CD82: variants seen among roughly 807,000 people sequenced by gnomAD.
CD82 encodes CD82 antigen.
CD82 carries 36 observed loss-of-function variants against 37.4 expected under a neutral mutation model. The ratio of observed to expected loss-of-function variants is 0.96; its 90% CI spans 0.74 to 1.27. CD82 has a LOEUF of 1.27. Among genes scored for constraint, CD82 ranks in the 50% most tolerant of loss-of-function variants. The pLI is 0.00. For missense variants in CD82, 340 were observed against 347.0 expected (o/e 0.98, Z 0.16); for synonymous variants, 158 against 137.4 (o/e 1.15, Z -1.05).
intron 1 of CD82, among the ~76,000 whole-genome samples, chr11:44,572,132 C>T (rs1852822789): frequency 6.6e-6 from 1 of 152,212 alleles, no homozygotes; most frequent in Non-Finnish European, 1.5e-5. Flanking sequence ...CTGGCTTATT[C>T]TCCTGCAGCC....
At chr11:44,611,961 G>C (rs1159340108) in intron 6 of CD82, among the ~76,000 whole-genome samples, 1 of 152,218 alleles carries the variant, frequency 6.6e-6, no homozygotes, top group African/African-American at 2.4e-5. Flanking sequence ...GGTTTAAACA[G>C]AGCCTCAGTG....
At chr11:44,566,971 A>C (rs77267507) in intron 1 of CD82, among the ~76,000 whole-genome samples, 5,020 of 152,282 alleles carry the variant, frequency 0.033, 120 homozygotes, top group Admixed American at 0.061. Flanking sequence ...GTTGAGTTAA[A>C]TAAGTCTAAA....
At chr11:44,572,080 G>A (rs1419896334) in intron 1 of CD82, among the ~76,000 whole-genome samples, 2 of 152,220 alleles carry the variant, frequency 1.3e-5, no homozygotes, top group Non-Finnish European at 2.9e-5. Context: ...TGCCACAGTG[G>A]ACGGCTGCAG....
chr11:44,583,785 A>G (rs11038069), intron 1 of CD82, among the ~76,000 whole-genome samples: 95,784 of 152,024 alleles, frequency 0.63, 30,423 homozygotes, highest in Admixed American at 0.69. Flanking sequence ...CCAGGGTGTT[A>G]TGGAGATTGC....
At chr11:44,581,321 C>T (rs1331220746) in intron 1 of CD82, among the ~76,000 whole-genome samples, 1 of 152,208 alleles carries the variant, frequency 6.6e-6, no homozygotes, top group Non-Finnish European at 1.5e-5. Flanking sequence ...CCTTGACCAC[C>T]CTGAGTCTCA....
rs1323360101 is a variant in CD82, at chr11:44,619,417, C to T, written c.*291C>T. 1 of 462,270 alleles carries T rather than the reference C, an allele frequency of 2.2e-6. No homozygotes were observed. Among genetic ancestry groups the T allele is most frequent in the Non-Finnish European group, 4.0e-6 (1 of 251,278 alleles). The allele number at this position is 462,270 out of a possible 1,614,324, so 28.6% of individuals were successfully genotyped here. A position where few individuals can be genotyped will look rare whatever the true frequency, so the allele number is the denominator to read the frequency against. ...TCCCTGGCGCAGGTGGGCTGGACTT[C>T]TACCTGCCCTCAAGGGTGTGTATAT... On this transcript the variant is annotated 3_prime_UTR_variant, in exon 10 of 10. Transcript: ENST00000227155.
chr11:44,596,432 G>T (rs557037213), intron 3 of CD82, among the ~76,000 whole-genome samples: 1 of 152,400 alleles, frequency 6.6e-6, no homozygotes, highest in East Asian at 1.9e-4. Flanking sequence ...TTGGGTTTCA[G>T]TGATAAAGAA....
intron 4 of CD82, among the ~76,000 whole-genome samples, chr11:44,604,235 G>A (rs935706844): frequency 1.3e-5 from 2 of 152,216 alleles, no homozygotes; most frequent in Non-Finnish European, 2.9e-5. Context: ...CCAGCAACTG[G>A]CACAGTGCCT....
intron 7 of CD82, 53 bp from the exon 8 acceptor site, chr11:44,618,109 G>A: frequency 6.4e-7 from 1 of 1,556,222 alleles, no homozygotes. Flanking sequence ...CAGGAGGGCA[G>A]CCTGCCTAGG....
chr11:44,606,530 C>G (rs542533325), intron 6 of CD82: 2 of 152,710 alleles, frequency 1.3e-5, no homozygotes, highest in South Asian at 4.1e-4. Flanking sequence ...AAAGCCACCC[C>G]TGGTTGCAAA....
chr11:44,613,983 G>A (rs1590350599), intron 6 of CD82, among the ~76,000 whole-genome samples: 1 of 151,700 alleles, frequency 6.6e-6, no homozygotes, highest in South Asian at 2.1e-4. Context: ...TTTCTGTTTT[G>A]TTTTTTGTTG....
Position 44,605,048 on chromosome 11 carries a change from T to C in CD82, c.137-10T>C. 6.2e-7 allele frequency: 1 copy of C among 1,614,170 alleles called. No individual in the cohort carries two copies. The highest frequency in any genetic ancestry group is 8.5e-7 in the Non-Finnish European group (1 of 1,180,020). Reference sequence around the variant, plus strand: ...GTGCCCACTGATTTTGTACTTCTTCTTCCCCCTAGAAACCTCCTCCAGCTC... The same window carrying C: ...GTGCCCACTGATTTTGTACTTCTTCCTCCCCCTAGAAACCTCCTCCAGCTC... On this transcript the variant is annotated splice_polypyrimidine_tract_variant and intron_variant, in intron 4 of 9. Coordinates refer to ENST00000227155, the MANE Select transcript of CD82 (RefSeq NM_002231.4).
intron 2 of CD82, among the ~76,000 whole-genome samples, chr11:44,594,015 A>G (rs1469257995): frequency 1.3e-5 from 2 of 151,792 alleles, no homozygotes; most frequent in Admixed American, 1.3e-4. Flanking sequence ...ACACACACAC[A>G]CGAATAATAG....
intron 4 of CD82, among the ~76,000 whole-genome samples, chr11:44,602,814 T>G (rs891100320): frequency 1.3e-5 from 2 of 152,182 alleles, no homozygotes; most frequent in African/African-American, 2.4e-5. Context: ...TTAAATGTTC[T>G]GAGATACGGA....
chr11:44,600,379 C>G lies in CD82; in HGVS notation c.136+149C>G, dbSNP rs1306586319. 2.8e-5 allele frequency: 20 copies of G among 708,174 alleles called. No homozygotes were observed. The East Asian group carries it at 4.4e-4, about 15-fold the overall frequency. The allele number at this position is 708,174 out of a possible 1,614,324, so 43.9% of individuals were successfully genotyped here. On this transcript the variant is annotated intron_variant, in intron 4 of 9. Transcript: ENST00000227155. ...GATGTGGCGAGGTCCTGCTGCCCAC[C>G]ACTGCCCATGGCTCCCTCTGCAGGG...
At chr11:44,615,422 C>A in intron 7 of CD82, 49 bp downstream of exon 7, 4 of 1,136,364 alleles carry the variant, frequency 3.5e-6, no homozygotes, top group Non-Finnish European at 5.3e-6. Context: ...GGTGTCCCTG[C>A]ATTTGGGGCT....
intron 1 of CD82, among the ~76,000 whole-genome samples, chr11:44,586,641 G>A (rs185111722): frequency 6.6e-6 from 1 of 152,162 alleles, no homozygotes; most frequent in Non-Finnish European, 1.5e-5. Flanking sequence ...TGGTGACAGA[G>A]CAGAGTGAGG....
At chr11:44,605,263 A>G in intron 5 of CD82, 81 bp downstream of exon 5, 2 of 1,608,866 alleles carry the variant, frequency 1.2e-6, no homozygotes, top group South Asian at 1.1e-5. Context: ...GCTGGCCGTA[A>G]CATCGGGTGG....
Position 44,594,652 on chromosome 11 carries a change from G to T in CD82, c.-11G>T. ...GCCTTCTCTCTTCCAGGAAGCTCCA[G>T]GACTGGCGGGATGGGCTCAGCCTGT... On this transcript the variant is annotated 5_prime_UTR_variant, in exon 3 of 10. It adds an upstream start codon to the 5' untranslated region. Transcript: ENST00000227155. 6.2e-7 allele frequency: 1 copy of T among 1,612,024 alleles called. No homozygotes were observed. The highest frequency in any genetic ancestry group is 8.5e-7 in the Non-Finnish European group (1 of 1,178,030).
Sources: allele counts gnomAD v4.1 joint callset (sites outside exome capture counted in the v4.1 genomes callset), GRCh38; gene constraint gnomAD v4.1.1; transcripts MANE v1.5; gene names NCBI Gene and HGNC (gene_info 2026-07-23, HGNC 2026-07-21).